Variants in VWC2 observed in about 807,000 individuals in gnomAD.
The protein encoded by VWC2 is brorin.
Under a neutral mutation model 29.8 loss-of-function variants are expected in VWC2, and 14 were observed. The ratio of observed to expected loss-of-function variants is 0.47; its 90% CI spans 0.31 to 0.74. The LOEUF (loss-of-function observed/expected upper bound fraction) is 0.74, where lower values mean the gene tolerates loss of function less well. VWC2 is among the 30% of genes least tolerant of loss of function. The pLI is 0.05. For synonymous variants in VWC2, 213 were observed against 199.0 expected (o/e 1.07, Z -0.59); for missense variants, 457 against 459.8 (o/e 0.99, Z 0.05).
intron 3 of VWC2, among the ~76,000 whole-genome samples, chr7:49,827,054 C>T (rs1216333690): frequency 6.6e-6 from 1 of 152,008 alleles, no homozygotes; most frequent in Non-Finnish European, 1.5e-5. Context: ...ATACACATTT[C>T]ATTTTCATAA....
intron 3 of VWC2, among the ~76,000 whole-genome samples, chr7:49,832,098 A>C (rs1322209362): frequency 6.6e-6 from 1 of 152,162 alleles, no homozygotes; most frequent in Non-Finnish European, 1.5e-5. Context: ...CAGTTCAGCT[A>C]ATTATTTATG....
At chr7:49,867,898 A>G (rs1195845215) in intron 3 of VWC2, among the ~76,000 whole-genome samples, 2 of 151,552 alleles carry the variant, frequency 1.3e-5, no homozygotes, top group African/African-American at 2.4e-5. Context: ...CAATGGTGCA[A>G]TCTCGGCTCA....
In VWC2 at chr7:49,912,121, A is replaced by C; in HGVS notation, c.914A>C (p.Glu305Ala). The C allele has an allele frequency of 6.2e-7, 1 of 1,614,174 alleles. No homozygotes were observed. The highest frequency in any genetic ancestry group is 8.5e-7 in the Non-Finnish European group (1 of 1,180,024). ...DECTICHCTY[E>A]EGTWRIERQA... The stretch of plus-strand genomic sequence containing the variant: ...TGCACCATATGCCACTGTACTTATG[A>C]GGAAGGCACATGGAGAATCGAGCGG... Residue 305 changes from glutamate (E) to alanine (A), a missense_variant, in exon 4 of 4, where the codon GAG becomes GCG. Around this residue, in one of 2 missense-constraint regions of VWC2, gnomAD observed 185 missense variants for 257.1 expected, o/e 0.72. Transcript: ENST00000340652.
intron 3 of VWC2, among the ~76,000 whole-genome samples, chr7:49,808,440 T>G (rs1029169875): frequency 2.0e-5 from 3 of 152,086 alleles, no homozygotes; most frequent in Non-Finnish European, 2.9e-5. Context: ...TAGTTGCAAA[T>G]TCTGATAAAC....
Position 49,775,850 on chromosome 7 carries a change from C to A in VWC2, c.415C>A (p.Pro139Thr). 6.4e-7 allele frequency: 1 copy of A among 1,551,962 alleles called. No homozygotes were observed. The highest frequency in any genetic ancestry group is 8.7e-7 in the Non-Finnish European group (1 of 1,148,722). The part of the protein sequence containing the change: ...DAIGPELAPT[P>T]EPPEEYVYPD... ...GATTGGCCCGGAACTCGCGCCCACG[C>A]CCGAGCCACCCGAGGAGTACGTGTA... The change falls in exon 2 of 4, where the codon CCC becomes ACC. Residue 139 changes from proline to threonine, a missense_variant. Around this residue, in one of 2 missense-constraint regions of VWC2, gnomAD observed 272 missense variants for 202.7 expected, o/e 1.34. Transcript: ENST00000340652.
intron 3 of VWC2, among the ~76,000 whole-genome samples, chr7:49,909,916 C>T (rs1793314025): frequency 6.6e-6 from 1 of 151,776 alleles, no homozygotes; most frequent in Non-Finnish European, 1.5e-5. Context: ...CCAGCCTGGG[C>T]AACATAGAAA....
At chr7:49,789,208 T>A (rs1347251466) in intron 2 of VWC2, among the ~76,000 whole-genome samples, 1 of 148,254 alleles carries the variant, frequency 6.7e-6, no homozygotes, top group Non-Finnish European at 1.5e-5. Context: ...AGTGTGGGTG[T>A]GTGTGTGTGA....
At chr7:49,883,164 T>C (rs973515734) in intron 3 of VWC2, among the ~76,000 whole-genome samples, 1 of 151,972 alleles carries the variant, frequency 6.6e-6, no homozygotes, top group Non-Finnish European at 1.5e-5. Context: ...GTCAGACCTT[T>C]ATGCAGGTTT....
chr7:49,893,968 C>A (rs534114768), intron 3 of VWC2, among the ~76,000 whole-genome samples: 1 of 152,144 alleles, frequency 6.6e-6, no homozygotes, highest in Non-Finnish European at 1.5e-5. Flanking sequence ...CCCTGCTGGG[C>A]TCTCACTGCT....
chr7:49,888,097 C>A (rs1281851548), intron 3 of VWC2, among the ~76,000 whole-genome samples: 2 of 152,190 alleles, frequency 1.3e-5, no homozygotes. Flanking sequence ...CTCTTCTCAG[C>A]CTCTTCAGTG....
rs1167626390 is a variant in VWC2 at position 49,800,848 on chromosome 7, CAAAAAAAA to C, written c.697-1847_697-1840del. 8.5e-4 allele frequency among the ~76,000 whole-genome samples: 54 copies of C among 63,268 alleles called. 1 individual carries two copies. The highest frequency in any genetic ancestry group is 2.5e-3 in the African/African-American group (49 of 19,514). 41.5% of individuals were successfully genotyped at this position (63,268 alleles called of 152,430 possible). ...TAAAGAGCACCACTGGTTATGGTAG[CAAAAAAAA>C]AAAAAAAAAAAAAAACCTAATTGTG... On this transcript the variant is annotated intron_variant, in intron 2 of 3. Coordinates refer to ENST00000340652, the MANE Select transcript of VWC2 (RefSeq NM_198570.5).
rs1788026755 is a variant in VWC2 at position 49,775,356 on chromosome 7, C to G, written c.-80C>G. 2 of 1,172,828 alleles carry G rather than the reference C, an allele frequency of 1.7e-6. No homozygotes were observed. Among genetic ancestry groups the G allele is most frequent in the South Asian group, 5.8e-5 (2 of 34,598 alleles). 72.7% of individuals were successfully genotyped at this position (1,172,828 alleles called of 1,614,324 possible). On this transcript the variant is annotated 5_prime_UTR_variant, in exon 2 of 4. Coordinates refer to ENST00000340652, the MANE Select transcript of VWC2 (RefSeq NM_198570.5). The stretch of plus-strand genomic sequence containing the variant: ...AGGGACGGCGGCTCCCGGCTGGCGG[C>G]GGCGCGCCCCCGGGCTGTGAATGCG...
intron 3 of VWC2, among the ~76,000 whole-genome samples, chr7:49,894,263 C>T (rs1792270121): frequency 6.6e-6 from 1 of 152,136 alleles, no homozygotes; most frequent in South Asian, 2.1e-4. Flanking sequence ...CTCAGGTGAC[C>T]CTCCCACCTC....
chr7:49,863,081 A>AT (rs1562738406), intron 3 of VWC2, among the ~76,000 whole-genome samples: 2 of 152,166 alleles, frequency 1.3e-5, no homozygotes, highest in African/African-American at 2.4e-5. Context: ...TCACCAGTGA[A>AT]ACCATCTGGT....
chr7:49,782,085 T>G (rs1441420335), intron 2 of VWC2, among the ~76,000 whole-genome samples: 1 of 152,226 alleles, frequency 6.6e-6, no homozygotes, highest in Non-Finnish European at 1.5e-5. Context: ...AGTGCCTGTA[T>G]TTGACAAGCG....
intron 3 of VWC2, among the ~76,000 whole-genome samples, chr7:49,870,021 G>C (rs1791074446): frequency 6.6e-6 from 1 of 152,178 alleles, no homozygotes; most frequent in South Asian, 2.1e-4. Context: ...CTGTTTAGTT[G>C]AAATTCAAGA....
chr7:49,838,145 C>T (rs1789707487), intron 3 of VWC2, among the ~76,000 whole-genome samples: 1 of 152,196 alleles, frequency 6.6e-6, no homozygotes, highest in African/African-American at 2.4e-5. Context: ...GCTGTCTTCC[C>T]TATCCCCCCA....
chr7:49,864,281 G>T (rs1790790389), intron 3 of VWC2, among the ~76,000 whole-genome samples: 1 of 152,084 alleles, frequency 6.6e-6, no homozygotes, highest in Admixed American at 6.6e-5. Flanking sequence ...GGGAGGAGAA[G>T]ATAGGAGAAC....
intron 2 of VWC2, among the ~76,000 whole-genome samples, chr7:49,789,276 T>TGTGTGAGAGTGTGA (rs1788405657): frequency 3.4e-5 from 5 of 148,630 alleles, no homozygotes; most frequent in Non-Finnish European, 6.0e-5. Context: ...TGAGCGGGTG[T>TGTGTGAGAGTGTGA]GTGTGAGAGT....
Sources: gnomAD v4.1 joint callset for allele counts (sites outside exome capture counted in the v4.1 genomes callset) on GRCh38, gnomAD v4.1.1 for gene constraint, gnomAD v4.1.1 regional missense constraint, MANE v1.5 for transcripts, NCBI Gene and HGNC (gene_info 2026-07-23, HGNC 2026-07-21) for gene names.